Variants in TTC17 observed in about 807,000 individuals in gnomAD.
The protein encoded by TTC17 is tetratricopeptide repeat protein 17.
A neutral mutation model predicts 143.8 loss-of-function variants in TTC17; 58 were observed. That is an observed-to-expected ratio of 0.40 (90% CI 0.33 to 0.50). TTC17 has a LOEUF of 0.50. Ranked by LOEUF, TTC17 falls within the 20% of genes least tolerant of loss-of-function variation. The probability of loss-of-function intolerance (pLI) is 0.49; values close to 1 mark genes in which losing one functional copy is unlikely to be tolerated. For synonymous variants in TTC17, 501 were observed against 497.8 expected (o/e 1.01, Z -0.09); for missense variants, 1,273 against 1,392.5 (o/e 0.91, Z 1.37).
chr11:43,444,249 A>G, intron 18 of TTC17, 40 bp downstream of exon 18: 1 of 1,565,798 alleles, frequency 6.4e-7, no homozygotes, highest in Non-Finnish European at 8.6e-7. Flanking sequence ...CTTGTTTTAG[A>G]TGTCACTATC....
chr11:43,467,042 GAGTTA>G (rs1212666973), intron 21 of TTC17, among the ~76,000 whole-genome samples: 1 of 152,020 alleles, frequency 6.6e-6, no homozygotes, highest in Non-Finnish European at 1.5e-5. Flanking sequence ...CTGGATTGCA[GAGTTA>G]AGTTTATGAT....
chr11:43,481,735 A>T (rs1948291372), intron 21 of TTC17, among the ~76,000 whole-genome samples: 1 of 151,890 alleles, frequency 6.6e-6, no homozygotes, highest in Admixed American at 6.6e-5. Context: ...CTTAATCCTG[A>T]TATTGGTACT....
At chr11:43,470,522 A>G (rs1948072103) in intron 21 of TTC17, among the ~76,000 whole-genome samples, 3 of 152,214 alleles carry the variant, frequency 2.0e-5, no homozygotes, top group Admixed American at 6.5e-5. Flanking sequence ...TTTGTAGTTT[A>G]TTTACAATCA....
At chr11:43,480,426 A>G (rs1948264554) in intron 21 of TTC17, among the ~76,000 whole-genome samples, 1 of 152,196 alleles carries the variant, frequency 6.6e-6, no homozygotes. Flanking sequence ...TGTGTGACCT[A>G]CAATGAAGAA....
chr11:43,435,680 T>A (rs1457881476), intron 16 of TTC17, among the ~76,000 whole-genome samples: 1 of 152,248 alleles, frequency 6.6e-6, no homozygotes, highest in Non-Finnish European at 1.5e-5. Flanking sequence ...ATCATCCCCC[T>A]TTAATTCTTT....
intron 2 of TTC17, among the ~76,000 whole-genome samples, chr11:43,382,050 A>G (rs550715732): frequency 6.6e-6 from 1 of 152,370 alleles, no homozygotes; most frequent in Non-Finnish European, 1.5e-5. Context: ...TCATTGACAG[A>G]TAGACATAAA....
rs548943915 is a variant in TTC17, at chr11:43,382,721, T to C, written c.249+3399T>C. 1.4e-4 allele frequency among the ~76,000 whole-genome samples: 22 copies of C among 152,216 alleles called. No homozygotes were observed. The East Asian group carries it at 4.1e-3, about 28-fold the overall frequency. On this transcript the variant is annotated intron_variant, in intron 2 of 23. Coordinates refer to ENST00000039989, the MANE Select transcript of TTC17 (RefSeq NM_018259.6). Reference sequence around the variant, plus strand: ...AGGCTTCATCAGACTGCCAAAGAAGTCCATGACACAAAAAGATTATTACTC... The same window carrying C: ...AGGCTTCATCAGACTGCCAAAGAAGCCCATGACACAAAAAGATTATTACTC...
chr11:43,490,052 G>A (rs1948446225), intron 21 of TTC17, 187 bp from the exon 22 acceptor site: 1 of 637,034 alleles, frequency 1.6e-6, no homozygotes, highest in South Asian at 3.4e-5. Context: ...TGTAATAGTA[G>A]TATCAAGCTC....
chr11:43,367,344 A>G (rs544351139), intron 1 of TTC17, among the ~76,000 whole-genome samples: 1 of 152,350 alleles, frequency 6.6e-6, no homozygotes, highest in South Asian at 2.1e-4. Context: ...TTAGATATCT[A>G]AAAGGTCAAC....
intron 1 of TTC17, among the ~76,000 whole-genome samples, chr11:43,375,496 A>G (rs1183382938): frequency 6.6e-6 from 1 of 152,194 alleles, no homozygotes; most frequent in Non-Finnish European, 1.5e-5. Context: ...TTAAAATATT[A>G]AAATTATTTT....
intron 16 of TTC17, among the ~76,000 whole-genome samples, chr11:43,417,094 C>A (rs1458745099): frequency 6.6e-6 from 1 of 151,966 alleles, no homozygotes; most frequent in African/African-American, 2.4e-5. Flanking sequence ...TTGTGTTTTT[C>A]TTTGACAATG....
chr11:43,481,666 T>A (rs573675183), intron 21 of TTC17, among the ~76,000 whole-genome samples: 2 of 152,346 alleles, frequency 1.3e-5, no homozygotes, highest in Admixed American at 1.3e-4. Context: ...AGAAAGTTCT[T>A]CATATTATTT....
intron 21 of TTC17, among the ~76,000 whole-genome samples, chr11:43,481,744 C>T (rs2134865869): frequency 6.6e-6 from 1 of 152,014 alleles, no homozygotes; most frequent in Admixed American, 6.6e-5. Flanking sequence ...GATATTGGTA[C>T]TTTGTATCTT....
At chr11:43,367,281 G>A (rs1380907183) in intron 1 of TTC17, among the ~76,000 whole-genome samples, 1 of 152,142 alleles carries the variant, frequency 6.6e-6, no homozygotes, top group African/African-American at 2.4e-5. Flanking sequence ...CTTACCTACT[G>A]TAGTCATGTT....
intron 16 of TTC17, among the ~76,000 whole-genome samples, chr11:43,418,109 T>C (rs989339959): frequency 6.6e-6 from 1 of 152,226 alleles, no homozygotes; most frequent in African/African-American, 2.4e-5. Context: ...CTAAAAAAAT[T>C]TTTTTGTACT....
At chr11:43,458,342 T>C (rs910758719) in intron 21 of TTC17, among the ~76,000 whole-genome samples, 4 of 152,144 alleles carry the variant, frequency 2.6e-5, no homozygotes, top group African/African-American at 9.7e-5. Context: ...CAGCTCCCCA[T>C]GGTCTCTCTG....
intron 21 of TTC17, among the ~76,000 whole-genome samples, chr11:43,461,984 C>T (rs1418622226): frequency 6.7e-6 from 1 of 148,516 alleles, no homozygotes; most frequent in Non-Finnish European, 1.5e-5. Flanking sequence ...GATAAAGGTA[C>T]ATAAAAGTAG....
Position 43,449,994 on chromosome 11 carries a change from T to C in TTC17, c.2787-88T>C, listed in dbSNP as rs548052864. The C allele has an allele frequency of 2.1e-6, 3 of 1,409,740 alleles. No individual in the cohort carries two copies. The African/African-American group carries it at 4.3e-5, about 20-fold the overall frequency. 87.3% of individuals were successfully genotyped at this position (1,409,740 alleles called of 1,614,324 possible). On this transcript the variant is annotated intron_variant, in intron 19 of 23. Transcript: ENST00000039989. ...TATGATGAGCTGATTGTTAATGCTG[T>C]CTCTCCTTGATTGTTAATGCTGTCT... is the stretch of plus-strand genomic sequence containing the variant.
At chr11:43,484,293 CA>C (rs1948341343) in intron 21 of TTC17, among the ~76,000 whole-genome samples, 1 of 152,066 alleles carries the variant, frequency 6.6e-6, no homozygotes, top group Non-Finnish European at 1.5e-5. Context: ...CCCGTAAACT[CA>C]ATAAATAAAA....
Sources: gnomAD v4.1 joint callset for allele counts (sites outside exome capture counted in the v4.1 genomes callset) on GRCh38, gnomAD v4.1.1 for gene constraint, MANE v1.5 for transcripts, NCBI Gene and HGNC (gene_info 2026-07-23, HGNC 2026-07-21) for gene names.